The following BBS9 variants were observed in gnomAD, a reference collection of about 807,000 sequenced individuals.
The protein encoded by BBS9 is protein PTHB1.
A neutral mutation model predicts 117.7 loss-of-function variants in BBS9; 89 were observed. The observed-to-expected ratio is 0.76, with a 90% CI of 0.64 to 0.90. The LOEUF (loss-of-function observed/expected upper bound fraction) is 0.90, where lower values mean the gene tolerates loss of function less well. Among genes scored for constraint, BBS9 ranks in the 40% least tolerant of loss-of-function variants. The probability of loss-of-function intolerance (pLI) is 0.00; values close to 1 mark genes in which losing one functional copy is unlikely to be tolerated. For synonymous variants in BBS9, 379 were observed against 370.9 expected (o/e 1.02, Z -0.25); for missense variants, 982 against 1,042.2 (o/e 0.94, Z 0.80).
chr7:33,316,497 A>G (rs889449009), intron 9 of BBS9, among the ~76,000 whole-genome samples: 4 of 152,176 alleles, frequency 2.6e-5, no homozygotes, highest in African/African-American at 7.2e-5. Context: ...TAGTTAGACT[A>G]TTTTACATTC....
chr7:33,401,212 A>G (rs552122652), intron 19 of BBS9, among the ~76,000 whole-genome samples: 1 of 152,334 alleles, frequency 6.6e-6, no homozygotes, highest in East Asian at 1.9e-4. Context: ...TTAGAATGAT[A>G]AGCCAGAAGC....
At chr7:33,565,844 T>TTATATA (rs1554539789) in intron 21 of BBS9, among the ~76,000 whole-genome samples, 908 of 79,960 alleles carry the variant, frequency 0.011, 17 homozygotes, top group East Asian at 0.016. Context: ...TATATACTGC[T>TTATATA]TATATATATA....
intron 9 of BBS9, among the ~76,000 whole-genome samples, chr7:33,303,937 G>T (rs908964408): frequency 2.0e-5 from 3 of 152,120 alleles, no homozygotes; most frequent in Non-Finnish European, 4.4e-5. Flanking sequence ...ACCCTGTCTA[G>T]GAAGTGAGGA....
chr7:33,605,340 T>A lies in BBS9; in HGVS notation c.*114T>A. The A allele has an allele frequency of 9.2e-7, 1 of 1,081,204 alleles. No homozygotes were observed. The highest frequency in any genetic ancestry group is 1.3e-5 in the South Asian group (1 of 79,198). 67.0% of individuals were successfully genotyped at this position (1,081,204 alleles called of 1,614,324 possible). ...GCGCAGGTGCTTCCTAAAGCTCACC[T>A]TCCTGGAGATGACATGCATAGAAAG... On this transcript the variant is annotated 3_prime_UTR_variant, in exon 23 of 23. Coordinates refer to ENST00000242067, the MANE Select transcript of BBS9 (RefSeq NM_198428.3).
At chr7:33,403,126 G>A (rs1338857513) in intron 19 of BBS9, among the ~76,000 whole-genome samples, 3 of 151,792 alleles carry the variant, frequency 2.0e-5, no homozygotes, top group Admixed American at 1.3e-4. Context: ...GATTCAGGGA[G>A]TAGATGTGCA....
At chr7:33,391,682 C>T (rs76570816) in intron 19 of BBS9, among the ~76,000 whole-genome samples, 1 of 152,204 alleles carries the variant, frequency 6.6e-6, no homozygotes, top group East Asian at 1.9e-4. Flanking sequence ...CGTATGTACA[C>T]ATTTTGTTTA....
rs184464618 is a variant in BBS9 at position 33,352,717 on chromosome 7, C to G, written c.1538-142C>G. ...GTGGATTGACTTGTGTTTGGAGAGT[C>G]ATTTAAGTCATCTGTGAGAATCTTG... On this transcript the variant is annotated intron_variant, in intron 14 of 22. Transcript: ENST00000242067. The G allele has an allele frequency of 9.4e-5, 85 of 900,560 alleles. No individual in the cohort carries two copies. The African/African-American group carries it at 1.4e-3, about 15-fold the overall frequency. 55.8% of individuals were successfully genotyped at this position (900,560 alleles called of 1,614,324 possible). A position where few individuals can be genotyped will look rare whatever the true frequency, so the allele number is the denominator to read the frequency against.
At chr7:33,258,135 A>G (rs1162415701) in intron 6 of BBS9, among the ~76,000 whole-genome samples, 1 of 152,180 alleles carries the variant, frequency 6.6e-6, no homozygotes, top group Non-Finnish European at 1.5e-5. Context: ...AAAGAGTAGA[A>G]ATTCATGCTG....
intron 21 of BBS9, among the ~76,000 whole-genome samples, chr7:33,555,418 A>G (rs1195353589): frequency 6.6e-6 from 1 of 152,212 alleles, no homozygotes; most frequent in Non-Finnish European, 1.5e-5. Context: ...CTCTGCCATC[A>G]TGGAGCCTGT....
chr7:33,193,210 C>G (rs1466688494), intron 5 of BBS9, among the ~76,000 whole-genome samples: 1 of 152,076 alleles, frequency 6.6e-6, no homozygotes, highest in South Asian at 2.1e-4. Context: ...ATATATCTGT[C>G]TGTTAGGGTT....
In BBS9 at chr7:33,275,315, T is replaced by C. The variant is rs1446931357; in HGVS notation, c.1016+1359T>C. On this transcript the variant is annotated intron_variant, in intron 9 of 22. Coordinates refer to ENST00000242067, the MANE Select transcript of BBS9 (RefSeq NM_198428.3). Reference sequence around the variant, plus strand: ...TGTGTCTGAAAAATAATTTAAAAGTTTTGAGATTGGCTTTTGCAATGTCCA... The same window carrying C: ...TGTGTCTGAAAAATAATTTAAAAGTCTTGAGATTGGCTTTTGCAATGTCCA... Among the ~76,000 whole-genome samples the C allele has an allele frequency of 2.6e-5, 4 of 152,214 alleles. No homozygotes were observed. The East Asian group carries it at 7.7e-4, about 29-fold the overall frequency.
intron 12 of BBS9, among the ~76,000 whole-genome samples, chr7:33,347,269 A>T (rs1355023069): frequency 1.3e-5 from 2 of 152,186 alleles, no homozygotes; most frequent in East Asian, 3.9e-4. Flanking sequence ...AATATTATTC[A>T]TTTTATTTAA....
intron 12 of BBS9, among the ~76,000 whole-genome samples, chr7:33,347,297 AGTATT>A (rs1316455621): frequency 2.0e-5 from 3 of 152,176 alleles, no homozygotes; most frequent in Admixed American, 1.3e-4. Context: ...TGTACAGACT[AGTATT>A]ATATTATTAT....
chr7:33,613,008 C>G (rs1375094637), intron 21 of BBS9, among the ~76,000 whole-genome samples: 1 of 151,984 alleles, frequency 6.6e-6, no homozygotes, highest in Non-Finnish European at 1.5e-5. Context: ...CAGACATTGT[C>G]CTGGGCACCA....
At chr7:33,212,816 G>C (rs7789344) in intron 5 of BBS9, among the ~76,000 whole-genome samples, 125,538 of 152,116 alleles carry the variant, frequency 0.83, 51,830 homozygotes, top group Admixed American at 0.86. Context: ...TCTGGAATAC[G>C]AGGCAGAGAC....
intron 4 of BBS9, among the ~76,000 whole-genome samples, chr7:33,176,631 T>C (rs1456365002): frequency 6.6e-6 from 1 of 152,262 alleles, no homozygotes; most frequent in East Asian, 1.9e-4. Flanking sequence ...TAAGTACACA[T>C]ACATATATTT....
chr7:33,406,646 T>G (rs1224933613), intron 19 of BBS9, among the ~76,000 whole-genome samples: 1 of 152,168 alleles, frequency 6.6e-6, no homozygotes, highest in Non-Finnish European at 1.5e-5. Flanking sequence ...ACAAAATCTC[T>G]CAGCATTTGT....
At chr7:33,586,100 G>GTATT (rs1255131010) in intron 21 of BBS9, among the ~76,000 whole-genome samples, 1 of 151,996 alleles carries the variant, frequency 6.6e-6, no homozygotes, top group Non-Finnish European at 1.5e-5. Flanking sequence ...AAACTCAAAG[G>GTATT]TATTGGGTAA....
rs1166171422 is a variant in BBS9, at chr7:33,243,068, G to A, written c.443-14168G>A. 1.0e-5 allele frequency: 5 copies of A among 491,166 alleles called. No homozygotes were observed. The East Asian group carries it at 2.2e-4, about 22-fold the overall frequency. 30.4% of individuals were successfully genotyped at this position (491,166 alleles called of 1,614,324 possible). A position where few individuals can be genotyped will look rare whatever the true frequency, so the allele number is the denominator to read the frequency against. ...GATGTGCTAATAATGTATGGACCAC[G>A]TTGTAAATGGCTATTACTGTTAATT... On this transcript the variant is annotated intron_variant, in intron 5 of 22. Transcript: ENST00000242067.
Sources: gnomAD v4.1 joint callset for allele counts (sites outside exome capture counted in the v4.1 genomes callset) on GRCh38, gnomAD v4.1.1 for gene constraint, MANE v1.5 for transcripts, NCBI Gene and HGNC (gene_info 2026-07-23, HGNC 2026-07-21) for gene names.